The following SYT7 variants were observed in gnomAD, a reference collection of about 807,000 sequenced individuals.
SYT7 encodes the protein synaptotagmin-7.
SYT7 carries 29 observed loss-of-function variants against 75.1 expected under a neutral mutation model. The observed-to-expected ratio is 0.39, with a 90% CI of 0.29 to 0.53. SYT7 has a LOEUF of 0.53. SYT7 is among the 20% of genes least tolerant of loss of function. The pLI is 0.77. For missense variants in SYT7, 693 were observed against 953.2 expected (o/e 0.73, Z 3.59); for synonymous variants, 376 against 401.7 (o/e 0.94, Z 0.76).
At chr11:61,548,622 C>T (rs1403549121) in intron 3 of SYT7, among the ~76,000 whole-genome samples, 2 of 152,180 alleles carry the variant, frequency 1.3e-5, no homozygotes, top group African/African-American at 2.4e-5. Flanking sequence ...CTGTGCCGCT[C>T]CCCAAAGCCA....
chr11:61,573,333 G>T (rs997475387), intron 1 of SYT7, among the ~76,000 whole-genome samples: 2 of 152,220 alleles, frequency 1.3e-5, no homozygotes, highest in Admixed American at 6.5e-5. Context: ...CCCCCTCAGG[G>T]TGTTCATTCA....
chr11:61,526,930 G>A (rs2062537485), intron 9 of SYT7, among the ~76,000 whole-genome samples: 1 of 152,168 alleles, frequency 6.6e-6, no homozygotes, highest in African/African-American at 2.4e-5. Flanking sequence ...TGAAGATTCT[G>A]GAAGGCTAGG....
rs1003834624 is a variant in SYT7, at chr11:61,551,610, G to A, written c.136-147C>T. 1.5e-5 allele frequency: 12 copies of A among 777,858 alleles called. No individual in the cohort carries two copies. The Admixed American group carries it at 1.7e-4, about 11-fold the overall frequency. 48.2% of individuals were successfully genotyped at this position (777,858 alleles called of 1,614,324 possible). On this transcript the variant is annotated intron_variant, in intron 2 of 12. Transcript: ENST00000539008. The surrounding 1 kb of genome is among the most constrained non-coding windows in gnomAD (Gnocchi z 5.3). ...ACCAGTGTGCGAGGCTGTCACCGCG[G>A]TGGGGGCCAATCCCCTGGATGCCTG... is the stretch of plus-strand genomic sequence containing the variant.
intron 1 of SYT7, among the ~76,000 whole-genome samples, chr11:61,559,042 C>A (rs569386775): frequency 1.3e-5 from 2 of 152,036 alleles, no homozygotes; most frequent in Non-Finnish European, 2.9e-5. Context: ...CTGTGCCCAG[C>A]CCCACCTCTG....
chr11:61,546,033 G>A lies in SYT7; in HGVS notation c.570C>T (p.Ser190=). 1 of 1,533,292 alleles carries A rather than the reference G, an allele frequency of 6.5e-7. No individual in the cohort carries two copies. Among genetic ancestry groups the A allele is most frequent in the Non-Finnish European group, 8.7e-7 (1 of 1,145,648 alleles). 95.0% of individuals were successfully genotyped at this position (1,533,292 alleles called of 1,614,324 possible). ...AGCCATGGGGCGCCATCACTCACTT[G>A]GACAAGTTGAGCTTCCCTGCGGCCA... The part of the protein sequence containing the change: ...SHLAAGKLNL[S]NFEDSTLSTA... The change falls in exon 5 of 13, where the codon TCC becomes TCT. Residue 190 remains serine (S), a splice_region_variant and synonymous_variant. Transcript: ENST00000539008. The surrounding 1 kb of genome is among the most constrained non-coding windows in gnomAD (Gnocchi z 7.6).
At chr11:61,518,885 C>T (rs1201520779) in intron 12 of SYT7, among the ~76,000 whole-genome samples, 154 bp from the exon 13 acceptor site, 1 of 152,228 alleles carries the variant, frequency 6.6e-6, no homozygotes, top group Admixed American at 6.5e-5. Context: ...GAGGCGCTCT[C>T]CTCCCTCCCC....
At chr11:61,522,711 C>T (rs1047996742) in intron 12 of SYT7, among the ~76,000 whole-genome samples, 7 of 152,306 alleles carry the variant, frequency 4.6e-5, no homozygotes, top group Non-Finnish European at 1.0e-4. Context: ...CACTGCCCCA[C>T]GCAGCTCACC....
intron 1 of SYT7, among the ~76,000 whole-genome samples, chr11:61,566,165 C>T (rs2063762002): frequency 6.6e-6 from 1 of 152,246 alleles, no homozygotes. Context: ...TAATGGCTCA[C>T]ATCTGTACAG....
In SYT7 at chr11:61,581,075, G is replaced by T; in HGVS notation, c.-255C>A. The T allele has an allele frequency of 4.9e-6, 2 of 408,776 alleles. No individual in the cohort carries two copies. The highest frequency in any genetic ancestry group is 6.5e-6 in the Non-Finnish European group (2 of 305,696). The allele number at this position is 408,776 out of a possible 1,614,324, so 25.3% of individuals were successfully genotyped here. A position where few individuals can be genotyped will look rare whatever the true frequency, so the allele number is the denominator to read the frequency against. Reference sequence around the variant, plus strand: ...TCCCTCCGGCCTGCGCGCCGCGTGTGCGCGCCGGAGCGTGTGTGTGTGTAC... The same window carrying T: ...TCCCTCCGGCCTGCGCGCCGCGTGTTCGCGCCGGAGCGTGTGTGTGTGTAC... On this transcript the variant is annotated 5_prime_UTR_variant, in exon 1 of 13. Transcript: ENST00000539008.
intron 6 of SYT7, 107 bp from the exon 7 acceptor site, chr11:61,538,373 GAGAGAGAGAGAGAGAA>G: frequency 1.1e-6 from 1 of 891,942 alleles, no homozygotes; most frequent in Non-Finnish European, 1.6e-6. Context: ...GAGAGAGAGA[GAGAGAGAGAGAGAGAA>G]AGAGAGAGAG....
chr11:61,577,662 T>C (rs1272875703), intron 1 of SYT7, among the ~76,000 whole-genome samples: 1 of 152,202 alleles, frequency 6.6e-6, no homozygotes, highest in East Asian at 1.9e-4. Context: ...CTGCCCTGCA[T>C]GCTCCCAAGT....
rs1007038246 is a variant in SYT7 at position 61,553,482 on chromosome 11, C to T, written c.136-2019G>A. Among the ~76,000 whole-genome samples, 8 of 152,230 alleles carry T rather than the reference C, an allele frequency of 5.3e-5. No individual in the cohort carries two copies. Among genetic ancestry groups the T allele is most frequent in the African/African-American group, 1.7e-4 (7 of 41,454 alleles). On this transcript the variant is annotated intron_variant, in intron 2 of 12. Transcript: ENST00000539008. This position sits in a 1 kb window ranked among gnomAD's most constrained non-coding sequence, Gnocchi z 5.2. ...CCAGGAAGGGCACGGTCAGCCCTTT[C>T]CGAGCAGCGCCCCCACAGACATCCT...
At chr11:61,549,835 G>A (rs1590899430) in intron 3 of SYT7, among the ~76,000 whole-genome samples, 1 of 152,166 alleles carries the variant, frequency 6.6e-6, no homozygotes, top group African/African-American at 2.4e-5. Flanking sequence ...GCCTGGCACA[G>A]CCTGCTGCCC....
intron 8 of SYT7, among the ~76,000 whole-genome samples, chr11:61,531,754 C>T (rs2062716097): frequency 6.6e-6 from 1 of 151,566 alleles, no homozygotes; most frequent in Non-Finnish European, 1.5e-5. Flanking sequence ...ATTAGCCGGG[C>T]GTGGTGGTGT....
At chr11:61,554,176 A>T (rs1407720601) in intron 2 of SYT7, among the ~76,000 whole-genome samples, 2 of 151,990 alleles carry the variant, frequency 1.3e-5, no homozygotes, top group African/African-American at 4.8e-5. Context: ...CTGCTGCAAA[A>T]GCTGTTGTCT....
rs75215164 is a variant in SYT7, at chr11:61,573,800, C to T, written c.31+6990G>A. On this transcript the variant is annotated intron_variant, in intron 1 of 12. Coordinates refer to ENST00000539008, the MANE Select transcript of SYT7 (RefSeq NM_001365809.2). ...GTCCCCACCTCACCAACTGCCTCAC[C>T]TCTGCTCGCTCACATGGCAAAGCTC... Among the ~76,000 whole-genome samples, 262 of 152,302 alleles carry T rather than the reference C, an allele frequency of 1.7e-3. 2 individuals carry two copies. The highest frequency in any genetic ancestry group is 3.3e-3 in the Non-Finnish European group (222 of 68,026).
chr11:61,552,011 A>G (rs534648930), intron 2 of SYT7, among the ~76,000 whole-genome samples: 1 of 152,150 alleles, frequency 6.6e-6, no homozygotes, highest in East Asian at 1.9e-4. Context: ...GTAAGGCAGG[A>G]GCAAGGCTGT....
Position 61,542,905 on chromosome 11 carries a change from C to T in SYT7, c.573-326G>A, listed in dbSNP as rs888876243. On this transcript the variant is annotated intron_variant, in intron 5 of 12. Coordinates refer to ENST00000539008, the MANE Select transcript of SYT7 (RefSeq NM_001365809.2). The surrounding 1 kb of genome is among the most constrained non-coding windows in gnomAD (Gnocchi z 7.8). Reference sequence around the variant, plus strand: ...TGGGCTGCGAGTGCTGCTGAGGCTGCGTGGTGAAGGCAGGTCCCCTGGGCC... The same window carrying T: ...TGGGCTGCGAGTGCTGCTGAGGCTGTGTGGTGAAGGCAGGTCCCCTGGGCC... Among the ~76,000 whole-genome samples, 1 of 152,172 alleles carries T rather than the reference C, an allele frequency of 6.6e-6. No individual in the cohort carries two copies. The highest frequency in any genetic ancestry group is 2.1e-4 in the South Asian group (1 of 4,828).
chr11:61,545,895 G>A, intron 5 of SYT7, 136 bp downstream of exon 5: 1 of 732,070 alleles, frequency 1.4e-6, no homozygotes, highest in Non-Finnish European at 2.2e-6. Flanking sequence ...AGAGTCTCAT[G>A]AAGGGATGGA....
Sources: gnomAD v4.1 joint callset for allele counts (sites outside exome capture counted in the v4.1 genomes callset) on GRCh38, gnomAD v4.1.1 for gene constraint, Gnocchi (gnomAD v3.1) non-coding constraint, MANE v1.5 for transcripts, NCBI Gene and HGNC (gene_info 2026-07-23, HGNC 2026-07-21) for gene names.